Variants in CELF2 observed in about 807,000 individuals in gnomAD.
The protein encoded by CELF2 is CUG triplet repeat RNA-binding protein 2.
CELF2 carries 8 observed loss-of-function variants against 62.6 expected under a neutral mutation model. The observed-to-expected ratio is 0.13, with a 90% CI of 0.07 to 0.23. CELF2 has a LOEUF of 0.23. CELF2 is among the 10% of genes least tolerant of loss of function. CELF2 has a pLI of 1.00. For synonymous variants in CELF2, 258 were observed against 250.0 expected, an observed-to-expected ratio of 1.03 and a Z score of -0.30; for missense variants, 333 against 671.0, an observed-to-expected ratio of 0.50 and a Z score of 5.56.
chr10:10,951,647 C>T (rs937253482), intron 2 of CELF2: 1 of 152,228 alleles, frequency 6.6e-6, no homozygotes, highest in Non-Finnish European at 1.5e-5. Context: ...AGTCTTTCCA[C>T]TTCGCCTAGT....
the CELF2 span, among the ~76,000 whole-genome samples, chr10:10,583,273 C>T: frequency 6.6e-6 from 1 of 152,108 alleles, no homozygotes; most frequent in African/African-American, 2.4e-5. Context: ...CAGGATTTGA[C>T]AGTTTATCAG....
chr10:11,166,334 G>A (rs1000713141), intron 2 of CELF2, among the ~76,000 whole-genome samples: 1 of 152,176 alleles, frequency 6.6e-6, no homozygotes, highest in African/African-American at 2.4e-5. Context: ...GGAGATGAAG[G>A]TATAGGATCT....
At chr10:10,781,496 C>T in the CELF2 span, among the ~76,000 whole-genome samples, 1 of 152,180 alleles carries the variant, frequency 6.6e-6, no homozygotes, top group East Asian at 1.9e-4. Flanking sequence ...TACACGGAGG[C>T]AGGCTGGAAT....
At chr10:10,671,916 G>A in the CELF2 span, among the ~76,000 whole-genome samples, 161 of 152,148 alleles carry the variant, frequency 1.1e-3, no homozygotes, top group African/African-American at 3.7e-3. Context: ...TTTTAGTAGA[G>A]ATAGGCTTTC....
At chr10:10,989,223 A>G (rs2136632294) in intron 2 of CELF2, among the ~76,000 whole-genome samples, 1 of 152,296 alleles carries the variant, frequency 6.6e-6, no homozygotes, top group African/African-American at 2.4e-5. Flanking sequence ...ACCAATAAAA[A>G]TTTCAGTAGA....
rs528703963 is a variant in CELF2 at position 11,008,439 on chromosome 10, T to G, written c.53+2999T>G. 6.6e-6 allele frequency among the ~76,000 whole-genome samples: 1 copy of G among 152,216 alleles called. No homozygotes were observed. The highest frequency in any genetic ancestry group is 1.9e-4 in the East Asian group (1 of 5,178). On this transcript the variant is annotated intron_variant, in intron 1 of 12. Transcript: ENST00000416382. The surrounding 1 kb of genome is among the most constrained non-coding windows in gnomAD (Gnocchi z 4.5). ...TTTTGCTTTTTTTAAAATAGGAGGG[T>G]ATACATTTGCAAAAATCTCCTTTTG...
the CELF2 span, chr10:10,776,738 T>A: frequency 6.5e-6 from 1 of 154,202 alleles, no homozygotes; most frequent in African/African-American, 2.4e-5. Flanking sequence ...CATCGCCTCA[T>A]GCCCTTGGCC....
chr10:10,835,378 G>A (rs1298395713), intron 1 of CELF2, among the ~76,000 whole-genome samples: 1 of 124,584 alleles, frequency 8.0e-6, no homozygotes, highest in African/African-American at 3.4e-5. Context: ...GGCTCCAGCA[G>A]ATTGATTTTT....
chr10:10,716,072 A>G, the CELF2 span, among the ~76,000 whole-genome samples: 1 of 152,214 alleles, frequency 6.6e-6, no homozygotes, highest in African/African-American at 2.4e-5. Flanking sequence ...GGAGGGAAGA[A>G]AGGATGAATC....
the CELF2 span, among the ~76,000 whole-genome samples, chr10:10,616,717 T>A: frequency 3.3e-3 from 462 of 138,772 alleles, 6 homozygotes; most frequent in South Asian, 0.026. Flanking sequence ...TGTGTGTGTG[T>A]GTGAGAGAGA....
At chr10:10,895,428 C>T (rs79465419) in intron 1 of CELF2, among the ~76,000 whole-genome samples, 2,494 of 152,118 alleles carry the variant, frequency 0.016, 64 homozygotes, top group African/African-American at 0.055. Flanking sequence ...AAAGTATGGC[C>T]GTTTTCACCT....
rs2076250180 is a variant in CELF2 at position 11,191,353 on chromosome 10, G to A, written c.271+25671G>A. 6.6e-6 allele frequency among the ~76,000 whole-genome samples: 1 copy of A among 152,174 alleles called. No homozygotes were observed. Reference sequence around the variant, plus strand: ...CAGTTGAAGCTGATGCCTCTGTCCTGGTGTTTATAAGGGGCTCCATCACAC... The same window carrying A: ...CAGTTGAAGCTGATGCCTCTGTCCTAGTGTTTATAAGGGGCTCCATCACAC... On this transcript the variant is annotated intron_variant, in intron 2 of 12. Coordinates refer to ENST00000633077, the MANE Select transcript of CELF2 (RefSeq NM_001326342.2). This position sits in a 1 kb window ranked among gnomAD's most constrained non-coding sequence, Gnocchi z 4.1.
Position 10,931,808 on chromosome 10 carries a change from T to C in CELF2, c.89+11809T>C, listed in dbSNP as rs1298611662. ...GACATACCCACAACTGAGTAATTTA[T>C]AAAGACATGAGGTTTAATGGACTCA... is the stretch of plus-strand genomic sequence containing the variant. On this transcript the variant is annotated intron_variant, in intron 2 of 13. Transcript: ENST00000636488. This position sits in a 1 kb window ranked among gnomAD's most constrained non-coding sequence, Gnocchi z 6.1. 2.6e-5 allele frequency among the ~76,000 whole-genome samples: 4 copies of C among 152,152 alleles called. No homozygotes were observed. Among genetic ancestry groups the C allele is most frequent in the Non-Finnish European group, 5.9e-5 (4 of 68,018 alleles).
intron 2 of CELF2, among the ~76,000 whole-genome samples, chr10:10,968,432 T>A (rs1323965896): frequency 6.6e-6 from 1 of 152,240 alleles, no homozygotes; most frequent in South Asian, 2.1e-4. Context: ...TTTTAAATTA[T>A]GTAAATAATT....
intron 1 of CELF2, among the ~76,000 whole-genome samples, chr10:10,839,035 A>C (rs1564698881): frequency 1.3e-5 from 2 of 152,126 alleles, no homozygotes; most frequent in African/African-American, 2.4e-5. Flanking sequence ...AGTCCCAGCT[A>C]CTCAGGAGGC....
chr10:11,249,394 A>G (rs1158952545), intron 4 of CELF2, among the ~76,000 whole-genome samples, 193 bp downstream of exon 4: 1 of 152,094 alleles, frequency 6.6e-6, no homozygotes, highest in Non-Finnish European at 1.5e-5. Context: ...TGTCCTGTTG[A>G]TGATCTCTGG....
chr10:10,591,520 A>G, the CELF2 span, among the ~76,000 whole-genome samples: 1 of 152,086 alleles, frequency 6.6e-6, no homozygotes, highest in Non-Finnish European at 1.5e-5. Context: ...ATTAAAGGTA[A>G]CGTTTATTCT....
At chr10:11,031,129 G>A (rs1456597313) in intron 1 of CELF2, among the ~76,000 whole-genome samples, 2 of 152,132 alleles carry the variant, frequency 1.3e-5, no homozygotes, top group South Asian at 2.1e-4. Context: ...GTGGCGCTAC[G>A]CCTTCTTGTG....
chr10:11,005,058 A>G, upstream of CELF2: 1 of 985,348 alleles, frequency 1.0e-6, no homozygotes, highest in Non-Finnish European at 1.2e-6. The surrounding 1 kb of genome is among the most constrained non-coding windows in gnomAD (Gnocchi z 4.3). Context: ...GATGGTAATT[A>G]GGAGAAGTAA....
Sources: gnomAD v4.1 joint callset for allele counts (sites outside exome capture counted in the v4.1 genomes callset) on GRCh38, gnomAD v4.1.1 for gene constraint, Gnocchi (gnomAD v3.1) non-coding constraint, MANE v1.5 for transcripts, NCBI Gene and HGNC (gene_info 2026-07-23, HGNC 2026-07-21) for gene names.